RTN1: variants seen among roughly 807,000 people sequenced by gnomAD.
RTN1 encodes the protein reticulon 1.
A neutral mutation model predicts 65.5 loss-of-function variants in RTN1; 25 were observed. The ratio of observed to expected loss-of-function variants is 0.38; its 90% confidence interval spans 0.28 to 0.53. RTN1 has a LOEUF of 0.53. Ranked by LOEUF, RTN1 falls within the 20% of genes least tolerant of loss-of-function variation. The pLI, the probability that RTN1 is intolerant of heterozygous loss-of-function variation, is 0.79. For synonymous variants in RTN1, 471 were observed against 447.6 expected, an observed-to-expected ratio of 1.05 and a Z score of -0.66; for missense variants, 983 against 1,025.4, an observed-to-expected ratio of 0.96 and a Z score of 0.57.
intron 3 of RTN1, among the ~76,000 whole-genome samples, chr14:59,639,807 T>C (rs1882739445): frequency 6.6e-6 from 1 of 152,218 alleles, no homozygotes. Context: ...TTTTTTTATT[T>C]TTTTAATATA....
intron 3 of RTN1, among the ~76,000 whole-genome samples, chr14:59,640,131 T>C (rs1882746322): frequency 6.6e-6 from 1 of 152,194 alleles, no homozygotes. Context: ...TTATTTCATA[T>C]TGGAATATTT....
chr14:59,831,074 CT>C (rs1317545129), intron 1 of RTN1, among the ~76,000 whole-genome samples: 4 of 152,108 alleles, frequency 2.6e-5, no homozygotes, highest in Non-Finnish European at 5.9e-5. Context: ...ACTTTGCTAG[CT>C]TCTGGACATT....
At position 59,766,157 on chromosome 14, in the gene RTN1, G is replaced by A. The variant is rs952769105; in HGVS notation, c.242-19676C>T. On this transcript the variant is annotated intron_variant, in intron 1 of 8. Coordinates refer to ENST00000267484, the MANE Select transcript of RTN1 (RefSeq NM_021136.3). This position sits in a 1 kb window ranked among gnomAD's most constrained non-coding sequence, Gnocchi z 4.4. The stretch of plus-strand genomic sequence containing the variant: ...AGGCAGGACTATTGCTTGAACCCGG[G>A]AGGCAGACATTGCAGTGAGTGGAGA... Among the ~76,000 whole-genome samples the A allele has an allele frequency of 4.6e-5, 7 of 151,960 alleles. No individual in the cohort carries two copies. Among genetic ancestry groups the A allele is most frequent in the Non-Finnish European group, 8.8e-5 (6 of 68,018 alleles).
At chr14:59,865,727 T>C (rs1374802858) in intron 1 of RTN1, among the ~76,000 whole-genome samples, 1 of 152,206 alleles carries the variant, frequency 6.6e-6, no homozygotes, top group Non-Finnish European at 1.5e-5. Flanking sequence ...GTAGATACGT[T>C]TGTCTCTTGA....
intron 3 of RTN1, among the ~76,000 whole-genome samples, chr14:59,626,902 T>C (rs557923098): frequency 6.6e-6 from 1 of 152,370 alleles, no homozygotes; most frequent in South Asian, 2.1e-4. Context: ...GTCAAGATCA[T>C]GGCCTTGCTG....
In RTN1 at chr14:59,818,994, G is replaced by C. The variant is rs151022149; in HGVS notation, c.241+51396C>G. 8.5e-3 allele frequency among the ~76,000 whole-genome samples: 1,293 copies of C among 152,272 alleles called. 13 individuals are homozygous for C. The highest frequency in any genetic ancestry group is 0.03 in the African/African-American group (1,228 of 41,552). The stretch of plus-strand genomic sequence containing the variant: ...CTGGAATTGTCCGTTCCTTCCAGTG[G>C]GTTCGTGGTCTCCCTGGCTCAAAAG... On this transcript the variant is annotated intron_variant, in intron 1 of 8. Transcript: ENST00000267484.
chr14:59,643,594 C>T (rs1472842461), intron 3 of RTN1, among the ~76,000 whole-genome samples: 1 of 152,174 alleles, frequency 6.6e-6, no homozygotes, highest in Non-Finnish European at 1.5e-5. Context: ...GACATTTGAG[C>T]ACTACTATCA....
At chr14:59,605,612 G>A in intron 4 of RTN1, 106 bp from the exon 5 acceptor site, 1 of 1,225,286 alleles carries the variant, frequency 8.2e-7, no homozygotes. Flanking sequence ...CTGAGGGTGA[G>A]AGCAGGAGTC....
At chr14:59,644,759 CT>C (rs1335952594) in intron 3 of RTN1, among the ~76,000 whole-genome samples, 5 of 152,034 alleles carry the variant, frequency 3.3e-5, no homozygotes, top group Non-Finnish European at 7.4e-5. Flanking sequence ...AGGCTGTCAT[CT>C]TTGGTGTTTC....
At chr14:59,806,462 A>AT (rs1242890787) in intron 1 of RTN1, among the ~76,000 whole-genome samples, 2 of 151,972 alleles carry the variant, frequency 1.3e-5, no homozygotes, top group Admixed American at 6.6e-5. Flanking sequence ...TCAAACCTAC[A>AT]TTTTTTTAAC....
At chr14:59,732,029 G>C (rs1402472225) in intron 2 of RTN1, among the ~76,000 whole-genome samples, 1 of 152,226 alleles carries the variant, frequency 6.6e-6, no homozygotes, top group South Asian at 2.1e-4. Context: ...CAATGTTCTA[G>C]AGAAACTTAG....
In RTN1 at chr14:59,817,073, A is replaced by T. The variant is rs139253375; in HGVS notation, c.241+53317T>A. On this transcript the variant is annotated intron_variant, in intron 1 of 8. Coordinates refer to ENST00000267484, the MANE Select transcript of RTN1 (RefSeq NM_021136.3). ...GAGAGGGAATCTTAAAAAACACTTAATGCAGCTTTTTTTTTTCCTACTTAT... is the reference window on the plus strand; with the variant it reads ...GAGAGGGAATCTTAAAAAACACTTATTGCAGCTTTTTTTTTTCCTACTTAT... 2.6e-3 allele frequency among the ~76,000 whole-genome samples: 388 copies of T among 152,124 alleles called. 2 individuals carry two copies. Among genetic ancestry groups the T allele is most frequent in the African/African-American group, 8.9e-3 (367 of 41,416 alleles).
intron 3 of RTN1, among the ~76,000 whole-genome samples, chr14:59,726,192 G>A (rs1415479899): frequency 6.6e-6 from 1 of 152,140 alleles, no homozygotes; most frequent in East Asian, 1.9e-4. Flanking sequence ...TATAATGTCT[G>A]GAAAACAAAT....
intron 3 of RTN1, among the ~76,000 whole-genome samples, chr14:59,707,708 TACACAC>T (rs34046826): frequency 0.03 from 4,367 of 145,734 alleles, 174 homozygotes; most frequent in African/African-American, 0.094. Context: ...CTCTCTCTTT[TACACAC>T]ACACACACAC....
At chr14:59,725,002 C>T (rs2139474370) in intron 3 of RTN1, among the ~76,000 whole-genome samples, 1 of 152,290 alleles carries the variant, frequency 6.6e-6, no homozygotes, top group East Asian at 1.9e-4. Context: ...TTGGCACGCC[C>T]TCATCTTTTG....
intron 2 of RTN1, among the ~76,000 whole-genome samples, chr14:59,745,076 G>T (rs1885189005): frequency 6.6e-6 from 1 of 152,104 alleles, no homozygotes; most frequent in Middle Eastern, 3.2e-3. Flanking sequence ...ATGGAAATGT[G>T]ACTTGTGGCT....
intron 1 of RTN1, among the ~76,000 whole-genome samples, chr14:59,758,569 G>C (rs1287880787): frequency 6.6e-6 from 1 of 152,162 alleles, no homozygotes; most frequent in Non-Finnish European, 1.5e-5. Flanking sequence ...CTCTGGTGAA[G>C]TCTGGCCTCC....
At position 59,750,181 on chromosome 14, in the gene RTN1, TAA is replaced by T. The variant is rs1885433569; in HGVS notation, c.242-3702_242-3701del. Reference sequence around the variant, plus strand: ...TAATATATATTATATCTATAATATATAATACATATATTATATCTATAATATAT... The same window carrying T: ...TAATATATATTATATCTATAATATATTACATATATTATATCTATAATATAT... On this transcript the variant is annotated intron_variant, in intron 1 of 8. Transcript: ENST00000267484. Among the ~76,000 whole-genome samples the T allele has an allele frequency of 1.1e-4, 7 of 64,134 alleles. 1 individual carries two copies. Among genetic ancestry groups the T allele is most frequent in the African/African-American group, 4.7e-4 (5 of 10,596 alleles). The allele number at this position is 64,134 out of a possible 152,430, so 42.1% of individuals were successfully genotyped here. A position where few individuals can be genotyped will look rare whatever the true frequency, so the allele number is the denominator to read the frequency against.
At chr14:59,605,283 C>T in intron 5 of RTN1, 85 bp downstream of exon 5, 1 of 1,426,552 alleles carries the variant, frequency 7.0e-7, no homozygotes. Flanking sequence ...GCTTTTTATT[C>T]TTCTTGATGT....
Sources: allele counts gnomAD v4.1 joint callset (sites outside exome capture counted in the v4.1 genomes callset), GRCh38; gene constraint gnomAD v4.1.1; non-coding constraint Gnocchi (gnomAD v3.1); transcripts MANE v1.5; gene names NCBI Gene and HGNC (gene_info 2026-07-23, HGNC 2026-07-21).